The following CDC42BPG variants were observed in gnomAD, a reference collection of about 807,000 sequenced individuals.
CDC42BPG encodes the protein serine/threonine-protein kinase MRCK gamma.
CDC42BPG carries 157 observed loss-of-function variants against 192.2 expected under a neutral mutation model. The observed-to-expected ratio is 0.82, with a 90% CI of 0.72 to 0.93. CDC42BPG has a LOEUF of 0.93. Ranked by LOEUF, CDC42BPG falls within the 40% of genes least tolerant of loss-of-function variation. The pLI, the probability that CDC42BPG is intolerant of heterozygous loss-of-function variation, is 0.00. For missense variants in CDC42BPG, 1,992 were observed against 2,122.1 expected, an observed-to-expected ratio of 0.94 and a Z score of 1.20; for synonymous variants, 981 against 918.5, an observed-to-expected ratio of 1.07 and a Z score of -1.23.
chr11:64,844,534 C>A lies in CDC42BPG; in HGVS notation c.36G>T (p.Ala12=). 1 of 1,302,714 alleles carries A rather than the reference C, an allele frequency of 7.7e-7. No individual in the cohort carries two copies. Among genetic ancestry groups the A allele is most frequent in the African/African-American group, 1.5e-5 (1 of 64,582 alleles). 80.7% of individuals were successfully genotyped at this position (1,302,714 alleles called of 1,614,324 possible). ...ERRLRALEQL[A]RGEAGGCPGL... ...CCGGGCAGCCGCCGGCCTCGCCCCG[C>A]GCCAGCTGCTCCAGCGCGCGCAGCC... Residue 12 remains alanine, a synonymous_variant, in exon 1 of 37, where the codon GCG becomes GCT. Transcript: ENST00000342711.
At position 64,832,642 on chromosome 11, in the gene CDC42BPG, G is replaced by C; in HGVS notation, c.2967C>G (p.Ser989Arg). The C allele has an allele frequency of 6.2e-7, 1 of 1,613,832 alleles. No individual in the cohort carries two copies. The highest frequency in any genetic ancestry group is 8.5e-7 in the Non-Finnish European group (1 of 1,180,012). Reference protein sequence around the residue: ...LLFDAPDLRLSPPSGALLQVL... With the variant: ...LLFDAPDLRLRPPSGALLQVL... The stretch of plus-strand genomic sequence containing the variant: ...CCTGCAGGAGGGCCCCACTGGGCGG[G>C]CTGAGCCTCAGGTCAGGGGCGTCAA... Residue 989 changes from serine to arginine, a missense_variant, in exon 26 of 37, where the codon AGC becomes AGG. Around this residue, in one of 2 missense-constraint regions of CDC42BPG, gnomAD observed 1,656 missense variants for 1,844.3 expected, o/e 0.90. Transcript: ENST00000342711.
chr11:64,832,726 A>G lies in CDC42BPG; in HGVS notation c.2883T>C (p.Gly961=). The change falls in exon 26 of 37, where the codon GGT becomes GGC. Residue 961 remains glycine (G), a synonymous_variant. Coordinates refer to ENST00000342711, the MANE Select transcript of CDC42BPG (RefSeq NM_017525.3). ...ACACGCGCTGCCAGCCCCGCCGGAC[A>G]CCTGAGGGCCGCGGCACCTGGCGGA... ...EGFLSVPRPS[G]VRRGWQRVFA... 6.2e-7 allele frequency: 1 copy of G among 1,609,316 alleles called. No homozygotes were observed. Among genetic ancestry groups the G allele is most frequent in the East Asian group, 2.2e-5 (1 of 44,638 alleles).
intron 5 of CDC42BPG, 92 bp from the exon 6 acceptor site, chr11:64,839,663 C>T: frequency 1.0e-6 from 1 of 993,536 alleles, no homozygotes; most frequent in Non-Finnish European, 1.5e-6. Flanking sequence ...ACGGTGTGTG[C>T]CAGCACCAGC....
At position 64,829,654 on chromosome 11, in the gene CDC42BPG, C is replaced by T. The variant is rs1410637516; in HGVS notation, c.3784G>A (p.Ala1262Thr). The T allele has an allele frequency of 6.2e-7, 1 of 1,611,456 alleles. No individual in the cohort carries two copies. Among genetic ancestry groups the T allele is most frequent in the African/African-American group, 1.3e-5 (1 of 75,050 alleles). Residue 1262 changes from alanine to threonine, a missense_variant, in exon 30 of 37, where the codon GCC becomes ACC. Around this residue, in one of 2 missense-constraint regions of CDC42BPG, gnomAD observed 1,656 missense variants for 1,844.3 expected, o/e 0.90. Transcript: ENST00000342711. ...GGCAGCTCCTCAGGCACCAAACCGG[C>T]CCCCAGCGCCAACGGCGCAGCCTCG... Reference protein sequence around the residue: ...LNEAAPLALGAGLVPEELPPS... With the variant: ...LNEAAPLALGTGLVPEELPPS...
At chr11:64,840,322 C>A in intron 4 of CDC42BPG, 54 bp from the exon 5 acceptor site, 1 of 1,588,892 alleles carries the variant, frequency 6.3e-7, no homozygotes, top group Non-Finnish European at 8.5e-7. Context: ...CTGGCCACTT[C>A]ACCGCGGTCC....
chr11:64,837,118 C>A, intron 9 of CDC42BPG, 99 bp from the exon 10 acceptor site: 2 of 1,051,438 alleles, frequency 1.9e-6, no homozygotes, highest in Non-Finnish European at 1.5e-6. Flanking sequence ...GTGAAACAGC[C>A]AAAACAGACC....
At chr11:64,833,414 G>T in intron 23 of CDC42BPG, 78 bp from the exon 24 acceptor site, 1 of 988,648 alleles carries the variant, frequency 1.0e-6, no homozygotes. Flanking sequence ...AAAGACAAGG[G>T]GCTGAGCCAG....
chr11:64,824,078 T>G lies in CDC42BPG; in HGVS notation c.*395A>C. ...GCCCCATCTTGGCCTCAGCTGGGAG[T>G]CAGACAGTCCACAGATAAGACCTCC... is the stretch of plus-strand genomic sequence containing the variant. On this transcript the variant is annotated 3_prime_UTR_variant, in exon 37 of 37. Transcript: ENST00000342711. 1 of 241,736 alleles carries G rather than the reference T, an allele frequency of 4.1e-6. No individual in the cohort carries two copies. The highest frequency in any genetic ancestry group is 8.1e-6 in the Non-Finnish European group (1 of 122,702). 15.0% of individuals were successfully genotyped at this position (241,736 alleles called of 1,614,324 possible).
chr11:64,834,818 G>C, intron 18 of CDC42BPG, 31 bp downstream of exon 18: 1 of 1,596,556 alleles, frequency 6.3e-7, no homozygotes, highest in Non-Finnish European at 8.6e-7. Context: ...ACTTGCCCAA[G>C]CCAGCCCCCA....
At chr11:64,837,936 G>A (rs1943093872) in intron 9 of CDC42BPG, 147 bp downstream of exon 9, 7 of 703,388 alleles carry the variant, frequency 1.0e-5, no homozygotes, top group South Asian at 3.3e-5. Flanking sequence ...CCAGGACCCC[G>A]AGGATGAGGG....
At chr11:64,827,920 G>A (rs1804938178) in intron 30 of CDC42BPG, 137 bp from the exon 31 acceptor site, 1 of 662,076 alleles carries the variant, frequency 1.5e-6, no homozygotes, top group Non-Finnish European at 2.5e-6. Flanking sequence ...GCCCGGCCCA[G>A]CCTCCACATC....
Position 64,835,582 on chromosome 11 carries a change from G to A in CDC42BPG, c.1798C>T (p.Pro600Ser). The change falls in exon 15 of 37, where the codon CCT becomes TCT. Residue 600 changes from proline (P) to serine (S), a missense_variant. Around this residue, in one of 2 missense-constraint regions of CDC42BPG, gnomAD observed 1,656 missense variants for 1,844.3 expected, o/e 0.90. Transcript: ENST00000342711. ...TASETNGMGP[P>S]EGGPQEAQLR... ...TGGGCCTCCTGAGGCCCACCCTCAG[G>A]GGGTCCCATCCCGTTGGTCTCAGAG... 5.1e-6 allele frequency: 8 copies of A among 1,582,366 alleles called. No homozygotes were observed. The highest frequency in any genetic ancestry group is 1.1e-5 in the South Asian group (1 of 87,816).
intron 36 of CDC42BPG, among the ~76,000 whole-genome samples, chr11:64,825,438 G>C (rs533606750): frequency 1.1e-4 from 16 of 152,284 alleles, no homozygotes; most frequent in African/African-American, 3.4e-4. Flanking sequence ...ATGACTACCT[G>C]ACCAAGCGGC....
rs1342922523 is a variant in CDC42BPG, at chr11:64,824,525, G to A, written c.4604C>T (p.Ser1535Leu). The A allele has an allele frequency of 1.2e-6, 2 of 1,605,228 alleles. No individual in the cohort carries two copies. The highest frequency in any genetic ancestry group is 2.7e-5 in the African/African-American group (2 of 74,744). The change falls in exon 37 of 37, where the codon TCA (serine) becomes TTA (leucine). Residue 1535 changes from serine to leucine, a missense_variant. Around this residue, in one of 2 missense-constraint regions of CDC42BPG, gnomAD observed 336 missense variants for 277.9 expected, o/e 1.21. Coordinates refer to ENST00000342711, the MANE Select transcript of CDC42BPG (RefSeq NM_017525.3). ...LSPATSLMQV[S>L]ERPRSLPLSP... Reference sequence around the variant, plus strand: ...TAGGGGGAGGCTTCGGGGCCGTTCTGAGACCTGCAGGAGAAAGAAAAGGAA... The same window carrying A: ...TAGGGGGAGGCTTCGGGGCCGTTCTAAGACCTGCAGGAGAAAGAAAAGGAA...
intron 1 of CDC42BPG, 46 bp downstream of exon 1, chr11:64,844,364 C>G (rs1943411833): frequency 1.5e-6 from 2 of 1,340,696 alleles, no homozygotes; most frequent in Non-Finnish European, 1.9e-6. Flanking sequence ...GGTCTCGGCG[C>G]GATATCCCTA....
intron 9 of CDC42BPG, 31 bp from the exon 10 acceptor site, chr11:64,837,050 T>C: frequency 1.3e-6 from 2 of 1,545,010 alleles, no homozygotes; most frequent in Non-Finnish European, 1.8e-6. Flanking sequence ...TGTTTGTTGG[T>C]AGAAACCTCA....
rs1362865142 is a variant in CDC42BPG at position 64,826,768 on chromosome 11, G to A, written c.4416C>T (p.Ala1472=). The change falls in exon 35 of 37, where the codon GCC becomes GCT. Residue 1472 remains alanine (A), a synonymous_variant. Coordinates refer to ENST00000342711, the MANE Select transcript of CDC42BPG (RefSeq NM_017525.3). The stretch of plus-strand genomic sequence containing the variant: ...GGGGCCGCTGTGGGCCGGAGCCGCG[G>A]GCAACTCGGCCCTTCTCTTCGGGAG... ...SPAPEEKGRV[A]RGSGPQRPHS... 2.0e-6 allele frequency: 3 copies of A among 1,521,586 alleles called. No individual in the cohort carries two copies. Among genetic ancestry groups the A allele is most frequent in the Non-Finnish European group, 2.6e-6 (3 of 1,136,028 alleles). 94.3% of individuals were successfully genotyped at this position (1,521,586 alleles called of 1,614,324 possible). A position where few individuals can be genotyped will look rare whatever the true frequency, so the allele number is the denominator to read the frequency against.
At chr11:64,825,360 C>G (rs893026066) in intron 36 of CDC42BPG, among the ~76,000 whole-genome samples, 1 of 152,150 alleles carries the variant, frequency 6.6e-6, no homozygotes, top group African/African-American at 2.4e-5. Flanking sequence ...ACCCACAGCA[C>G]AGCAGAAGCT....
At chr11:64,842,618 T>A (rs1249370703) in intron 1 of CDC42BPG, among the ~76,000 whole-genome samples, 1 of 152,190 alleles carries the variant, frequency 6.6e-6, no homozygotes, top group Non-Finnish European at 1.5e-5. Context: ...CCTGACCGGC[T>A]CTCTCACTCC....
Sources: gnomAD v4.1 joint callset for allele counts (sites outside exome capture counted in the v4.1 genomes callset) on GRCh38, gnomAD v4.1.1 for gene constraint, gnomAD v4.1.1 regional missense constraint, MANE v1.5 for transcripts, NCBI Gene and HGNC (gene_info 2026-07-23, HGNC 2026-07-21) for gene names.